Variants in SYDE2 observed in about 807,000 individuals in gnomAD.
SYDE2 encodes synapse defective Rho GTPase homolog 2.
SYDE2 carries 76 observed loss-of-function variants against 91.5 expected under a neutral mutation model. The observed-to-expected ratio is 0.83, with a 90% CI of 0.69 to 1.01. The LOEUF is 1.01. Ranked by LOEUF, SYDE2 falls within the 50% of genes least tolerant of loss-of-function variation. SYDE2 has a pLI of 0.00. For missense variants in SYDE2, 1,364 were observed against 1,367.7 expected (o/e 1.00, Z 0.04); for synonymous variants, 513 against 506.4 (o/e 1.01, Z -0.18).
At chr1:85,200,155 C>T (rs1214377322) in intron 1 of SYDE2, 97 bp downstream of exon 1, 1 of 1,577,654 alleles carries the variant, frequency 6.3e-7, no homozygotes, top group Admixed American at 2.0e-5. Flanking sequence ...ACGTACCTGT[C>T]GCAAAAACAT....
At chr1:85,168,927 G>A in intron 5 of SYDE2, 117 bp downstream of exon 5, 1 of 894,132 alleles carries the variant, frequency 1.1e-6, no homozygotes, top group Admixed American at 2.5e-5. Flanking sequence ...TAATGGCAGA[G>A]CTTTTAAATC....
chr1:85,183,773 G>A (rs1233499331), intron 2 of SYDE2, among the ~76,000 whole-genome samples: 3 of 151,966 alleles, frequency 2.0e-5, no homozygotes, highest in Non-Finnish European at 4.4e-5. Context: ...AGAGTTAATC[G>A]GGGTCCTGCT....
In SYDE2 at chr1:85,158,386, CA is replaced by C. The variant is rs1018880453; in HGVS notation, c.*363del. On this transcript the variant is annotated 3_prime_UTR_variant, in exon 7 of 7. Coordinates refer to ENST00000341460, the MANE Select transcript of SYDE2 (RefSeq NM_032184.2). ...AGTGAGACTCTGTCTCAAAAAACAA[CA>C]AAAAAAAGGACATCTGTCTCAGCTA... 9 of 170,934 alleles carry C rather than the reference CA, an allele frequency of 5.3e-5. No individual in the cohort carries two copies. Among genetic ancestry groups the C allele is most frequent in the South Asian group, 1.7e-4 (1 of 6,036 alleles). The allele number at this position is 170,934 out of a possible 1,614,324, so 10.6% of individuals were successfully genotyped here.
rs764939978 is a variant in SYDE2 at position 85,158,598 on chromosome 1, AAT to A, written c.*150_*151del. The A allele has an allele frequency of 3.6e-5, 19 of 533,548 alleles. No individual in the cohort carries two copies. Among genetic ancestry groups the A allele is most frequent in the Non-Finnish European group, 4.9e-5 (15 of 305,056 alleles). The allele number at this position is 533,548 out of a possible 1,614,324, so 33.1% of individuals were successfully genotyped here. A position where few individuals can be genotyped will look rare whatever the true frequency, so the allele number is the denominator to read the frequency against. Reference sequence around the variant, plus strand: ...GAGATAAGTAAAAATTGTATTAATGAATAGTGTTTTTAATTGAATCAGATAAA... The same window carrying A: ...GAGATAAGTAAAAATTGTATTAATGAAGTGTTTTTAATTGAATCAGATAAA... On this transcript the variant is annotated 3_prime_UTR_variant, in exon 7 of 7. Coordinates refer to ENST00000341460, the MANE Select transcript of SYDE2 (RefSeq NM_032184.2).
intron 5 of SYDE2, among the ~76,000 whole-genome samples, chr1:85,166,192 A>G (rs896736738): frequency 6.6e-5 from 10 of 151,956 alleles, no homozygotes; most frequent in African/African-American, 2.2e-4. Flanking sequence ...ATACAAAAAA[A>G]TAGCTGGTGT....
chr1:85,194,049 T>A (rs539410067), intron 1 of SYDE2, among the ~76,000 whole-genome samples: 2 of 152,218 alleles, frequency 1.3e-5, no homozygotes, highest in South Asian at 2.1e-4. Context: ...CACATTATTA[T>A]AATTTATATT....
rs1658336972 is a variant in SYDE2 at position 85,190,784 on chromosome 1, T to TCAG, written c.746-33_746-32insCTG. On this transcript the variant is annotated intron_variant, in intron 1 of 6. Transcript: ENST00000341460. Reference sequence around the variant, plus strand: ...CAAAGATAGAATAGAAGGTAGAATATAATGGCTGGTATATCAGAAAGACAT... The same window carrying TCAG: ...CAAAGATAGAATAGAAGGTAGAATATCAGAATGGCTGGTATATCAGAAAGACAT... 6.6e-6 allele frequency: 10 copies of TCAG among 1,519,016 alleles called. No homozygotes were observed. In the East Asian group the frequency reaches 2.0e-4, roughly 31 times the overall value. The allele number at this position is 1,519,016 out of a possible 1,614,324, so 94.1% of individuals were successfully genotyped here. A position where few individuals can be genotyped will look rare whatever the true frequency, so the allele number is the denominator to read the frequency against.
At chr1:85,195,319 C>T (rs889306717) in intron 1 of SYDE2, among the ~76,000 whole-genome samples, 2 of 152,044 alleles carry the variant, frequency 1.3e-5, no homozygotes, top group Admixed American at 6.5e-5. Context: ...GTTTTAAAAG[C>T]ATTAAACATT....
At chr1:85,169,253 G>T (rs1356923518) in intron 4 of SYDE2, 28 bp from the exon 5 acceptor site, 53 of 1,571,252 alleles carry the variant, frequency 3.4e-5, no homozygotes, top group Non-Finnish European at 4.5e-5. Context: ...CAGACAGTTG[G>T]TGATTGGACT....
At chr1:85,180,608 T>A (rs1481159349) in intron 3 of SYDE2, among the ~76,000 whole-genome samples, 1 of 151,414 alleles carries the variant, frequency 6.6e-6, no homozygotes, top group African/African-American at 2.4e-5. Flanking sequence ...CAGAATTGCT[T>A]GAACCCAGGA....
At chr1:85,155,162 C>T (rs1477436164), downstream of SYDE2, among the ~76,000 whole-genome samples, 1 of 151,738 alleles carries the variant, frequency 6.6e-6, no homozygotes, top group Non-Finnish European at 1.5e-5. Flanking sequence ...ATAAAATGAT[C>T]TCGGGGTTAG....
At position 85,200,645 on chromosome 1, in the gene SYDE2, C is replaced by A; in HGVS notation, c.352G>T (p.Glu118Ter). The change falls in exon 1 of 7, where the codon GAG becomes TAG. Residue 118 changes from glutamate (E) to a stop codon, truncating the protein, a stop_gained. Transcript: ENST00000341460. LOFTEE classifies it high-confidence loss of function. ...ATCCTGCCTCCACGTGGCGGGGGCT[C>A]GTCCCAGTCCCGGTGCGCGCCGCAC... The part of the protein sequence containing the change: ...IRCGAHRDWD[E>*]PPPRGGRMDG... The A allele has an allele frequency of 6.5e-7, 1 of 1,541,740 alleles. No homozygotes were observed. Among genetic ancestry groups the A allele is most frequent in the Non-Finnish European group, 8.7e-7 (1 of 1,149,128 alleles).
At chr1:85,179,315 A>T (rs1005232717) in intron 3 of SYDE2, among the ~76,000 whole-genome samples, 7 of 152,212 alleles carry the variant, frequency 4.6e-5, no homozygotes, top group Non-Finnish European at 1.0e-4. Context: ...AGAAGTATAC[A>T]AATGAAATTT....
In SYDE2 at chr1:85,182,812, CAT is replaced by C; in HGVS notation, c.1828_1829del (p.Met610GlufsTer3). On this transcript the variant is annotated frameshift_variant, in exon 3 of 7. Transcript: ENST00000341460. LOFTEE classifies it high-confidence loss of function. ...SQQSYQKKNS[M>X]SSKYSCKGGY... is the part of the protein sequence containing the mutation. ...CACCTTTGCAGGAATACTTAGAACT[CAT>C]AGAGTTTTTCTTCTGGTAGCTCTGC... The C allele has an allele frequency of 1.2e-6, 2 of 1,613,890 alleles. No homozygotes were observed. Among genetic ancestry groups the C allele is most frequent in the Non-Finnish European group, 1.7e-6 (2 of 1,179,848 alleles).
In SYDE2 at chr1:85,200,393, A is replaced by G. The variant is rs777112979; in HGVS notation, c.604T>C (p.Ser202Pro). The G allele has an allele frequency of 7.4e-6, 12 of 1,614,010 alleles. No homozygotes were observed. The highest frequency in any genetic ancestry group is 1.0e-5 in the Non-Finnish European group (12 of 1,179,902). ...CGGGCACGACCCTTCATTCCCAGGG[A>G]CAGCAGACGCCCTTTGTACATCCAC... The part of the protein sequence containing the change: ...QKWMYKGRLL[S>P]LGMKGRARGT... The change falls in exon 1 of 7, where the codon TCC (serine) becomes CCC (proline). Residue 202 changes from serine (S) to proline (P), a missense_variant. Transcript: ENST00000341460.
At chr1:85,171,167 T>C (rs1169588622) in intron 4 of SYDE2, among the ~76,000 whole-genome samples, 2 of 152,142 alleles carry the variant, frequency 1.3e-5, no homozygotes, top group African/African-American at 2.4e-5. Flanking sequence ...GGCTGCTGGA[T>C]ATAAAAATCT....
downstream of SYDE2, among the ~76,000 whole-genome samples, chr1:85,155,999 GAAC>G (rs1342468149): frequency 2.0e-5 from 3 of 151,910 alleles, no homozygotes; most frequent in African/African-American, 4.8e-5. Flanking sequence ...TTATAAAGGA[GAAC>G]AAATGAACTA....
At chr1:85,166,160 G>A (rs1049232267) in intron 5 of SYDE2, among the ~76,000 whole-genome samples, 1 of 151,764 alleles carries the variant, frequency 6.6e-6, no homozygotes, top group East Asian at 1.9e-4. Flanking sequence ...GGTCAACATG[G>A]GAAACCCCGA....
intron 3 of SYDE2, among the ~76,000 whole-genome samples, chr1:85,179,028 A>G (rs555646539): frequency 5.2e-4 from 79 of 152,266 alleles, no homozygotes; most frequent in African/African-American, 1.9e-3. Flanking sequence ...TTCACTATAA[A>G]TTTACTTAGA....
Sources: allele counts gnomAD v4.1 joint callset (sites outside exome capture counted in the v4.1 genomes callset), GRCh38; gene constraint gnomAD v4.1.1; transcripts MANE v1.5; gene names NCBI Gene and HGNC (gene_info 2026-07-23, HGNC 2026-07-21).